The following SCAPER variants were observed in gnomAD, a reference collection of about 807,000 sequenced individuals.
The protein encoded by SCAPER is S-phase cyclin A associated protein in the ER, also known as S phase cyclin A-associated protein in the endoplasmic reticulum.
In SCAPER, 98 loss-of-function variants were observed where a neutral mutation model predicts 182.2. The ratio of observed to expected loss-of-function variants is 0.54; its 90% CI spans 0.46 to 0.64. The LOEUF (loss-of-function observed/expected upper bound fraction) is 0.64, where lower values mean the gene tolerates loss of function less well. SCAPER is among the 30% of genes least tolerant of loss of function. The probability of loss-of-function intolerance (pLI) is 0.00; values close to 1 mark genes in which losing one functional copy is unlikely to be tolerated. For synonymous variants in SCAPER, 605 were observed against 564.6 expected (o/e 1.07, Z -1.01); for missense variants, 1,432 against 1,690.0 (o/e 0.85, Z 2.68).
At chr15:76,592,224 T>A (rs1177327920) in intron 22 of SCAPER, among the ~76,000 whole-genome samples, 3 of 151,802 alleles carry the variant, frequency 2.0e-5, no homozygotes, top group African/African-American at 7.2e-5. Flanking sequence ...AAAATATTTT[T>A]AAAATGGCAT....
At position 76,573,416 on chromosome 15, in the gene SCAPER, A is replaced by AAAAACCCAAAAACTACAGCTAAT. The variant is rs1440054843; in HGVS notation, c.2838+719_2838+741dup. On this transcript the variant is annotated intron_variant, in intron 23 of 31. Coordinates refer to ENST00000563290, the MANE Select transcript of SCAPER (RefSeq NM_020843.4). ...TTAAACCCAGAAAACAAAACAAAAC[A>AAAAACCCAAAAACTACAGCTAAT]AAAACCCAAAAACTACAGCTAATAA... 1.9e-3 allele frequency among the ~76,000 whole-genome samples: 287 copies of AAAAACCCAAAAACTACAGCTAAT among 152,222 alleles called. 3 individuals are homozygous for AAAAACCCAAAAACTACAGCTAAT. The highest frequency in any genetic ancestry group is 6.2e-3 in the African/African-American group (259 of 41,558).
At chr15:76,446,587 G>A (rs1006387162) in intron 25 of SCAPER, among the ~76,000 whole-genome samples, 5 of 152,122 alleles carry the variant, frequency 3.3e-5, no homozygotes, top group Non-Finnish European at 5.9e-5. Flanking sequence ...AATCTCTTCA[G>A]GCAAGCTCAA....
chr15:76,833,653 T>C (rs1213188029), intron 5 of SCAPER, among the ~76,000 whole-genome samples: 2 of 151,726 alleles, frequency 1.3e-5, no homozygotes, highest in African/African-American at 4.8e-5. Flanking sequence ...AGACTCAAAG[T>C]AAAGGGATGC....
chr15:76,416,860 T>C (rs1167744228), intron 26 of SCAPER, among the ~76,000 whole-genome samples: 2 of 152,160 alleles, frequency 1.3e-5, no homozygotes, highest in African/African-American at 4.8e-5. Flanking sequence ...GGAAAACCAG[T>C]AGAAATTAAT....
At chr15:76,445,482 TG>T (rs370837288) in intron 25 of SCAPER, among the ~76,000 whole-genome samples, 155 of 152,278 alleles carry the variant, frequency 1.0e-3, no homozygotes, top group African/African-American at 3.5e-3. Context: ...ACTGTTCTGA[TG>T]GGGGGCAGGG....
At chr15:76,774,676 T>G (rs2063644335) in intron 9 of SCAPER, among the ~76,000 whole-genome samples, 179 bp downstream of exon 9, 1 of 152,198 alleles carries the variant, frequency 6.6e-6, no homozygotes, top group Non-Finnish European at 1.5e-5. Context: ...AATTTGTGAA[T>G]GTAGGTGAAC....
intron 23 of SCAPER, among the ~76,000 whole-genome samples, chr15:76,510,223 G>A (rs2041910785): frequency 6.6e-6 from 1 of 152,072 alleles, no homozygotes; most frequent in African/African-American, 2.4e-5. Flanking sequence ...AAGATAAATA[G>A]CTGGAATTTA....
chr15:76,868,676 T>C (rs923014232), intron 2 of SCAPER, among the ~76,000 whole-genome samples: 2 of 152,220 alleles, frequency 1.3e-5, no homozygotes, highest in African/African-American at 4.8e-5. Flanking sequence ...TTCATGCTTA[T>C]GAAATGGAAG....
In SCAPER at chr15:76,410,314, TTATTTC is replaced by T. The variant is rs1376096538; in HGVS notation, c.3312-5641_3312-5636del. On this transcript the variant is annotated intron_variant, in intron 26 of 31. Transcript: ENST00000563290. ...TGTAATCATGCATTCATCCACTCAA[TTATTTC>T]TAAGTATGATGCTGATGCTAACCTT... 2.6e-5 allele frequency among the ~76,000 whole-genome samples: 4 copies of T among 152,252 alleles called. No homozygotes were observed. In the East Asian group the frequency reaches 7.7e-4, roughly 29 times the overall value.
At chr15:76,624,730 G>A (rs1039666122) in intron 21 of SCAPER, among the ~76,000 whole-genome samples, 1 of 152,148 alleles carries the variant, frequency 6.6e-6, no homozygotes, top group African/African-American at 2.4e-5. Flanking sequence ...GGCAGCAGTG[G>A]GCCAAATGTA....
At chr15:76,351,165 C>A in intron 31 of SCAPER, 72 bp downstream of exon 31, 1 of 1,336,974 alleles carries the variant, frequency 7.5e-7, no homozygotes, top group South Asian at 1.4e-5. Context: ...TGTAGCAGTT[C>A]CAGAGGAAAG....
intron 10 of SCAPER, among the ~76,000 whole-genome samples, chr15:76,768,053 AATAT>A (rs1381761002): frequency 2.6e-5 from 4 of 152,254 alleles, no homozygotes; most frequent in African/African-American, 9.6e-5. Context: ...AGAACTTCAA[AATAT>A]ATAAGGCAAA....
intron 21 of SCAPER, among the ~76,000 whole-genome samples, chr15:76,646,076 T>A (rs1482178767): frequency 6.6e-6 from 1 of 152,154 alleles, no homozygotes; most frequent in Non-Finnish European, 1.5e-5. Context: ...TGTGTGTTTA[T>A]CCATATCTAA....
chr15:76,563,143 TA>T (rs2046772533), intron 23 of SCAPER, among the ~76,000 whole-genome samples: 1 of 152,094 alleles, frequency 6.6e-6, no homozygotes, highest in East Asian at 1.9e-4. Flanking sequence ...ATTAGCAAAA[TA>T]AACAGGAGCG....
chr15:76,741,544 T>C (rs914073984), intron 15 of SCAPER, among the ~76,000 whole-genome samples: 5 of 151,748 alleles, frequency 3.3e-5, no homozygotes, highest in Admixed American at 3.3e-4. Flanking sequence ...AGGAGGGAGA[T>C]AAAAATAAAC....
At chr15:76,632,216 G>A (rs987361980) in intron 21 of SCAPER, among the ~76,000 whole-genome samples, 1 of 152,106 alleles carries the variant, frequency 6.6e-6, no homozygotes, top group Non-Finnish European at 1.5e-5. Flanking sequence ...TTGAGACAGA[G>A]TCTCACTCTG....
chr15:76,488,714 C>CTTTTTTTTTTTTTTTTTTTTTTTGTTTT (rs2051927543), intron 24 of SCAPER, among the ~76,000 whole-genome samples: 1 of 93,144 alleles, frequency 1.1e-5, no homozygotes, highest in Non-Finnish European at 2.0e-5. Context: ...AGTACACTGC[C>CTTTTTTTTTTTTTTTTTTTTTTTGTTTT]TTTTTTTTTT....
At chr15:76,623,727 C>CA (rs1312060872) in intron 21 of SCAPER, among the ~76,000 whole-genome samples, 5 of 152,176 alleles carry the variant, frequency 3.3e-5, no homozygotes, top group Non-Finnish European at 7.3e-5. Flanking sequence ...TTTGGCTCTT[C>CA]AGGCTCTTTT....
intron 21 of SCAPER, among the ~76,000 whole-genome samples, chr15:76,629,103 T>C (rs1353749966): frequency 6.6e-6 from 1 of 152,260 alleles, no homozygotes; most frequent in African/African-American, 2.4e-5. Flanking sequence ...CTTGTAACTT[T>C]TGCACATTGA....
Sources: gnomAD v4.1 joint callset for allele counts (sites outside exome capture counted in the v4.1 genomes callset) on GRCh38, gnomAD v4.1.1 for gene constraint, MANE v1.5 for transcripts, NCBI Gene and HGNC (gene_info 2026-07-23, HGNC 2026-07-21) for gene names.